The following WNT3A variants were observed in gnomAD, a reference collection of about 807,000 sequenced individuals.
The protein encoded by WNT3A is protein Wnt-3a.
A neutral mutation model predicts 37.0 loss-of-function variants in WNT3A; 17 were observed. That is an observed-to-expected ratio of 0.46 (90% CI 0.31 to 0.69). The LOEUF is 0.69. Among genes scored for constraint, WNT3A ranks in the 30% least tolerant of loss-of-function variants. The probability of loss-of-function intolerance (pLI) is 0.05; values close to 1 mark genes in which losing one functional copy is unlikely to be tolerated. For synonymous variants in WNT3A, 187 were observed against 211.0 expected (o/e 0.89, Z 0.99); for missense variants, 411 against 510.2 (o/e 0.81, Z 1.87).
chr1:228,049,306 G>A (rs868305933), intron 2 of WNT3A, among the ~76,000 whole-genome samples: 45 of 152,276 alleles, frequency 3.0e-4, no homozygotes, highest in Middle Eastern at 3.4e-3. Context: ...GGCAGCAGAA[G>A]GAATTAGCTC....
In WNT3A at chr1:228,059,609, GGGCAGAACTCCTACCTGAA is replaced by G; in HGVS notation, c.*150_*168del. ...CCCTGGGGGTGGGGCTCCTACCTGG[GGGCAGAACTCCTACCTGAA>G]GGCAGGGCTCCTCCCTGGAGCTAGT... On this transcript the variant is annotated 3_prime_UTR_variant, in exon 4 of 4. Coordinates refer to ENST00000284523, the MANE Select transcript of WNT3A (RefSeq NM_033131.4). 1.4e-6 allele frequency: 2 copies of G among 1,390,238 alleles called. No individual in the cohort carries two copies. The highest frequency in any genetic ancestry group is 1.9e-6 in the Non-Finnish European group (2 of 1,080,104). 86.1% of individuals were successfully genotyped at this position (1,390,238 alleles called of 1,614,324 possible).
chr1:228,021,086 G>A (rs372795352), intron 1 of WNT3A, among the ~76,000 whole-genome samples: 1 of 152,140 alleles, frequency 6.6e-6, no homozygotes, highest in Non-Finnish European at 1.5e-5. Context: ...GGCTCAATTC[G>A]TTCTGACGTG....
intron 1 of WNT3A, among the ~76,000 whole-genome samples, chr1:228,020,236 AAGGAAGCCCCTGC>A (rs2030664292): frequency 1.3e-5 from 2 of 152,180 alleles, no homozygotes; most frequent in African/African-American, 4.8e-5. Flanking sequence ...ACAAACAAAA[AAGGAAGCCCCTGC>A]AGTCCTGGGC....
chr1:228,025,383 C>G (rs925495181), intron 2 of WNT3A, among the ~76,000 whole-genome samples: 15 of 151,970 alleles, frequency 9.9e-5, no homozygotes, highest in African/African-American at 2.4e-4. Flanking sequence ...GGGTCTCACT[C>G]TGTTGCTCAG....
In WNT3A at chr1:228,008,163, T is replaced by C. The variant is rs1342578344; in HGVS notation, c.71+964T>C. On this transcript the variant is annotated intron_variant, in intron 1 of 3. Coordinates refer to ENST00000284523, the MANE Select transcript of WNT3A (RefSeq NM_033131.4). This position sits in a 1 kb window ranked among gnomAD's most constrained non-coding sequence, Gnocchi z 4.9. ...CCCCAGTTCCGAATTAAGGGCGCTCTGAGATGCCCAAGATTGAGGAACACA... is the reference window on the plus strand; with the variant it reads ...CCCCAGTTCCGAATTAAGGGCGCTCCGAGATGCCCAAGATTGAGGAACACA... 1.3e-5 allele frequency among the ~76,000 whole-genome samples: 2 copies of C among 152,132 alleles called. No individual in the cohort carries two copies. The highest frequency in any genetic ancestry group is 2.9e-5 in the Non-Finnish European group (2 of 68,014).
chr1:228,027,850 G>A (rs1011027874), intron 2 of WNT3A, among the ~76,000 whole-genome samples: 1 of 152,118 alleles, frequency 6.6e-6, no homozygotes, highest in Non-Finnish European at 1.5e-5. Context: ...TATTTGCCTA[G>A]GTTGATGTCT....
In WNT3A at chr1:228,060,595, C is replaced by CT. The variant is rs2031784688; in HGVS notation, c.*1131dup. 1 of 246,088 alleles carries CT rather than the reference C, an allele frequency of 4.1e-6. No individual in the cohort carries two copies. Among genetic ancestry groups the CT allele is most frequent in the Non-Finnish European group, 8.3e-6 (1 of 120,390 alleles). The allele number at this position is 246,088 out of a possible 1,614,324, so 15.2% of individuals were successfully genotyped here. A position where few individuals can be genotyped will look rare whatever the true frequency, so the allele number is the denominator to read the frequency against. ...CGGGCTCCCACACCGTCAGGTACTC[C>CT]TGCCAGGGAACTGGCCTGCTGCGCC... On this transcript the variant is annotated 3_prime_UTR_variant, in exon 4 of 4. Coordinates refer to ENST00000284523, the MANE Select transcript of WNT3A (RefSeq NM_033131.4).
At position 228,055,177 on chromosome 1, in the gene WNT3A, AAAATATATATATATATATATATATATAT is replaced by A. The variant is rs755684979; in HGVS notation, c.580-3807_580-3780del. 3.0e-3 allele frequency among the ~76,000 whole-genome samples: 125 copies of A among 41,496 alleles called. 9 individuals are homozygous for A. The highest frequency in any genetic ancestry group is 8.8e-3 in the Admixed American group (29 of 3,314). 27.2% of individuals were successfully genotyped at this position (41,496 alleles called of 152,430 possible). ...CCGTCCCAAAAAAAAAAAAAAAAAA[AAAATATATATATATATATATATATATAT>A]ATATATATATATATACACACACACA... is the stretch of plus-strand genomic sequence containing the variant. On this transcript the variant is annotated intron_variant, in intron 3 of 3. Transcript: ENST00000284523.
In WNT3A at chr1:228,039,238, T is replaced by A. The variant is rs555430570; in HGVS notation, c.314-11418T>A. Among the ~76,000 whole-genome samples, 18 of 152,164 alleles carry A rather than the reference T, an allele frequency of 1.2e-4. No individual in the cohort carries two copies. The highest frequency in any genetic ancestry group is 2.1e-4 in the Non-Finnish European group (14 of 67,972). On this transcript the variant is annotated intron_variant, in intron 2 of 3. Transcript: ENST00000284523. The surrounding 1 kb of genome is among the most constrained non-coding windows in gnomAD (Gnocchi z 4.1). ...AGAAGCAGACTGGGCAAAGGCGGCA[T>A]CCCAAGCTCCTAGGAAAGGAGGTGT...
In WNT3A at chr1:228,037,248, C is replaced by G. The variant is rs530377903; in HGVS notation, c.314-13408C>G. ...TCTTCAAGCATTTCCAGTCCCCACC[C>G]CCTGCCCTATTCTGTGAACCCCAGG... On this transcript the variant is annotated intron_variant, in intron 2 of 3. Coordinates refer to ENST00000284523, the MANE Select transcript of WNT3A (RefSeq NM_033131.4). This position sits in a 1 kb window ranked among gnomAD's most constrained non-coding sequence, Gnocchi z 4.1. 2.6e-5 allele frequency among the ~76,000 whole-genome samples: 4 copies of G among 152,202 alleles called. No individual in the cohort carries two copies. The South Asian group carries it at 8.3e-4, about 32-fold the overall frequency.
chr1:228,043,254 C>T (rs997909042), intron 2 of WNT3A, among the ~76,000 whole-genome samples: 3 of 152,180 alleles, frequency 2.0e-5, no homozygotes, highest in Admixed American at 2.0e-4. Flanking sequence ...TTTCTTCTTC[C>T]TTTCTCCAAC....
At chr1:228,015,685 G>A (rs2030507737) in intron 1 of WNT3A, among the ~76,000 whole-genome samples, 1 of 152,098 alleles carries the variant, frequency 6.6e-6, no homozygotes, top group African/African-American at 2.4e-5. Flanking sequence ...AGTGACGGAT[G>A]GCAAGACCAC....
chr1:228,030,862 G>A (rs2030984973), intron 2 of WNT3A, among the ~76,000 whole-genome samples: 1 of 152,262 alleles, frequency 6.6e-6, no homozygotes, highest in African/African-American at 2.4e-5. Context: ...CCCATGAGCT[G>A]ATGATTCTGT....
At position 228,060,852 on chromosome 1, in the gene WNT3A, G is replaced by A. The variant is rs555380633; in HGVS notation, c.*1387G>A. 6.5e-6 allele frequency: 1 copy of A among 153,002 alleles called. No individual in the cohort carries two copies. Among genetic ancestry groups the A allele is most frequent in the East Asian group, 1.9e-4 (1 of 5,194 alleles). The allele number at this position is 153,002 out of a possible 1,614,324, so 9.5% of individuals were successfully genotyped here. The stretch of plus-strand genomic sequence containing the variant: ...CCCAGAGCTGCTGGTCTCATTTGGG[G>A]GCGTTCGGGAGGTTTGGGGGGCATC... On this transcript the variant is annotated 3_prime_UTR_variant, in exon 4 of 4. Coordinates refer to ENST00000284523, the MANE Select transcript of WNT3A (RefSeq NM_033131.4).
intron 1 of WNT3A, among the ~76,000 whole-genome samples, chr1:228,016,795 C>A (rs74598272): frequency 0.011 from 1,685 of 152,158 alleles, 26 homozygotes; most frequent in African/African-American, 0.039. Flanking sequence ...AGGGGAGGTA[C>A]GTGTGTCACA....
chr1:228,009,977 T>G (rs2030322845), intron 1 of WNT3A, among the ~76,000 whole-genome samples: 1 of 152,176 alleles, frequency 6.6e-6, no homozygotes, highest in Non-Finnish European at 1.5e-5. Flanking sequence ...GCATCCATTC[T>G]GAGCTCATCC....
chr1:228,007,327 C>T lies in WNT3A; in HGVS notation c.71+128C>T. On this transcript the variant is annotated intron_variant, in intron 1 of 3. Transcript: ENST00000284523. This position sits in a 1 kb window ranked among gnomAD's most constrained non-coding sequence, Gnocchi z 6.0. The stretch of plus-strand genomic sequence containing the variant: ...CTGCTCCAGCCCCGCGTGCGGGCCG[C>T]GGGCGGTTGGTTTTCCTTGACGGCC... The T allele has an allele frequency of 3.2e-6, 3 of 932,156 alleles. No individual in the cohort carries two copies. The highest frequency in any genetic ancestry group is 3.0e-6 in the Non-Finnish European group (2 of 669,134). 57.7% of individuals were successfully genotyped at this position (932,156 alleles called of 1,614,324 possible).
rs2031179024 is a variant in WNT3A at position 228,037,722 on chromosome 1, C to A, written c.314-12934C>A. On this transcript the variant is annotated intron_variant, in intron 2 of 3. Transcript: ENST00000284523. The surrounding 1 kb of genome is among the most constrained non-coding windows in gnomAD (Gnocchi z 4.1). ...GCCTCTCTGGTATATCATTAACTCT[C>A]CCCAGTGGGAGGGGAACCCCGGCCG... Among the ~76,000 whole-genome samples the A allele has an allele frequency of 6.6e-6, 1 of 152,224 alleles. No homozygotes were observed. Among genetic ancestry groups the A allele is most frequent in the Admixed American group, 6.5e-5 (1 of 15,288 alleles).
chr1:228,013,589 C>T (rs903009286), intron 1 of WNT3A, among the ~76,000 whole-genome samples: 2 of 152,162 alleles, frequency 1.3e-5, no homozygotes, highest in Non-Finnish European at 2.9e-5. Context: ...GCTGGGCAGC[C>T]TGGACTGGGA....
Sources: allele counts gnomAD v4.1 joint callset (sites outside exome capture counted in the v4.1 genomes callset), GRCh38; gene constraint gnomAD v4.1.1; non-coding constraint Gnocchi (gnomAD v3.1); transcripts MANE v1.5; gene names NCBI Gene and HGNC (gene_info 2026-07-23, HGNC 2026-07-21).